ATXN7L1: variants seen among roughly 807,000 people sequenced by gnomAD.
ATXN7L1 encodes the protein ataxin 7 like 1.
ATXN7L1 carries 15 observed loss-of-function variants against 70.8 expected under a neutral mutation model. The observed-to-expected ratio is 0.21, with a 90% CI of 0.14 to 0.33. ATXN7L1 has a LOEUF of 0.33. Among genes scored for constraint, ATXN7L1 ranks in the 10% least tolerant of loss-of-function variants. The probability of loss-of-function intolerance (pLI) is 1.00; values close to 1 mark genes in which losing one functional copy is unlikely to be tolerated. For synonymous variants in ATXN7L1, 440 were observed against 445.1 expected (o/e 0.99, Z 0.14); for missense variants, 975 against 1,097.1 (o/e 0.89, Z 1.57).
intron 2 of ATXN7L1, among the ~76,000 whole-genome samples, chr7:105,839,411 C>T (rs892550349): frequency 2.0e-5 from 3 of 152,172 alleles, no homozygotes; most frequent in Non-Finnish European, 4.4e-5. Flanking sequence ...GTTTGCTGGG[C>T]ACATGGGTGT....
In ATXN7L1 at chr7:105,804,666, A is replaced by AG. The variant is rs1360357857; in HGVS notation, c.251-15959dup. ...TTATTGAAAAAACATCAATCACAGC[A>AG]GCCGGCATTTATTGAGTATTTACTC... On this transcript the variant is annotated intron_variant, in intron 2 of 11. Transcript: ENST00000419735. Among the ~76,000 whole-genome samples, 4 of 152,344 alleles carry AG rather than the reference A, an allele frequency of 2.6e-5. No individual in the cohort carries two copies. In the East Asian group the frequency reaches 7.7e-4, roughly 29 times the overall value.
intron 2 of ATXN7L1, among the ~76,000 whole-genome samples, chr7:105,814,217 C>T (rs1808854753): frequency 6.6e-6 from 1 of 152,224 alleles, no homozygotes; most frequent in South Asian, 2.1e-4. Context: ...ATTGTGATCG[C>T]AATGCCAGCA....
intron 5 of ATXN7L1, among the ~76,000 whole-genome samples, chr7:105,642,128 C>T (rs536432595): frequency 6.6e-6 from 1 of 152,290 alleles, no homozygotes; most frequent in South Asian, 2.1e-4. Flanking sequence ...TACAGCAGAT[C>T]GATCCAAAGC....
At chr7:105,727,771 T>TATATATA (rs1796058766) in intron 3 of ATXN7L1, among the ~76,000 whole-genome samples, 2 of 122,858 alleles carry the variant, frequency 1.6e-5, no homozygotes, top group African/African-American at 6.5e-5. Flanking sequence ...TATATATATA[T>TATATATA]ATATATACAC....
At chr7:105,790,887 G>C (rs1027531929) in intron 2 of ATXN7L1, among the ~76,000 whole-genome samples, 18 of 152,102 alleles carry the variant, frequency 1.2e-4, no homozygotes, top group African/African-American at 4.3e-4. Flanking sequence ...ACCTCCTCTG[G>C]TTGAGAACCC....
chr7:105,672,150 A>G (rs846925), intron 3 of ATXN7L1, among the ~76,000 whole-genome samples: 134,657 of 151,836 alleles, frequency 0.89, 59,918 homozygotes, highest in African/African-American at 0.95. Flanking sequence ...GCTGGGTGTG[A>G]TGGCAGGCGC....
chr7:105,783,485 G>A lies in ATXN7L1; in HGVS notation c.355+5119C>T, dbSNP rs145767453. Among the ~76,000 whole-genome samples, 514 of 152,172 alleles carry A rather than the reference G, an allele frequency of 3.4e-3. 4 individuals are homozygous for A. The highest frequency in any genetic ancestry group is 8.8e-3 in the African/African-American group (365 of 41,512). ...CATAGGCAGTTTCAGGCTGGGGGCC[G>A]GTCACCAGAAAGACCAATTGGAGAT... On this transcript the variant is annotated intron_variant, in intron 3 of 11. Transcript: ENST00000419735.
At chr7:105,630,108 G>A (rs1233390081) in intron 7 of ATXN7L1, among the ~76,000 whole-genome samples, 1 of 152,106 alleles carries the variant, frequency 6.6e-6, no homozygotes, top group Non-Finnish European at 1.5e-5. Flanking sequence ...GTGAGCCACT[G>A]CACCAGGCTG....
intron 3 of ATXN7L1, among the ~76,000 whole-genome samples, chr7:105,704,458 C>T (rs568516764): frequency 6.6e-6 from 1 of 151,784 alleles, no homozygotes; most frequent in East Asian, 1.9e-4. Flanking sequence ...CAAAAAGCAA[C>T]AAATAACAGG....
intron 7 of ATXN7L1, among the ~76,000 whole-genome samples, chr7:105,634,984 G>A (rs1220647992): frequency 1.3e-5 from 2 of 151,770 alleles, no homozygotes; most frequent in Non-Finnish European, 2.9e-5. Flanking sequence ...CATACAGAAC[G>A]GAACAGAAGT....
intron 3 of ATXN7L1, among the ~76,000 whole-genome samples, chr7:105,716,152 A>G (rs1794518223): frequency 6.6e-6 from 1 of 152,204 alleles, no homozygotes; most frequent in African/African-American, 2.4e-5. Context: ...AGGAGAAGGT[A>G]CAAGTAGAAT....
At chr7:105,790,955 G>C (rs560009736) in intron 2 of ATXN7L1, among the ~76,000 whole-genome samples, 63 of 152,238 alleles carry the variant, frequency 4.1e-4, no homozygotes, top group Non-Finnish European at 7.9e-4. Flanking sequence ...CCTCAAACAC[G>C]ATGGTTCCCC....
At chr7:105,667,379 T>C (rs1474865884) in intron 3 of ATXN7L1, among the ~76,000 whole-genome samples, 1 of 152,188 alleles carries the variant, frequency 6.6e-6, no homozygotes, top group Non-Finnish European at 1.5e-5. Context: ...GAACTTAGAA[T>C]CACTAAAGGT....
At chr7:105,665,380 A>C in intron 3 of ATXN7L1, 92 bp from the exon 4 acceptor site, 2 of 1,056,926 alleles carry the variant, frequency 1.9e-6, no homozygotes, top group Non-Finnish European at 2.8e-6. Flanking sequence ...CAACAGGCGG[A>C]GAGAAGCGCT....
intron 3 of ATXN7L1, among the ~76,000 whole-genome samples, chr7:105,783,346 A>C (rs1175280385): frequency 1.3e-5 from 2 of 152,222 alleles, no homozygotes; most frequent in Non-Finnish European, 2.9e-5. Flanking sequence ...GGTGATAGGA[A>C]TATCTTTCAT....
intron 7 of ATXN7L1, among the ~76,000 whole-genome samples, chr7:105,629,251 T>C (rs1355339980): frequency 6.6e-6 from 1 of 152,132 alleles, no homozygotes; most frequent in African/African-American, 2.4e-5. Flanking sequence ...AACTGAAAGT[T>C]GTCTAGTATC....
chr7:105,727,744 G>GTA (rs1205624280), intron 3 of ATXN7L1, among the ~76,000 whole-genome samples: 5 of 31,706 alleles, frequency 1.6e-4, no homozygotes, highest in African/African-American at 9.2e-4. Flanking sequence ...GTGTGTATGT[G>GTA]TGTATATATA....
chr7:105,875,032 T>G (rs932333330), intron 2 of ATXN7L1: 2 of 152,536 alleles, frequency 1.3e-5, no homozygotes, highest in African/African-American at 4.8e-5. Context: ...TAGCAGCAAG[T>G]GGCCCCCGGA....
chr7:105,814,871 C>T (rs1003001301), intron 2 of ATXN7L1, among the ~76,000 whole-genome samples: 2 of 152,190 alleles, frequency 1.3e-5, no homozygotes, highest in African/African-American at 4.8e-5. Flanking sequence ...ATGGCTTCCT[C>T]CTGGGGCTTT....
Sources: gnomAD v4.1 joint callset for allele counts (sites outside exome capture counted in the v4.1 genomes callset) on GRCh38, gnomAD v4.1.1 for gene constraint, MANE v1.5 for transcripts, NCBI Gene and HGNC (gene_info 2026-07-23, HGNC 2026-07-21) for gene names.